The following CTIF variants were observed in gnomAD, a reference collection of about 807,000 sequenced individuals.
The protein encoded by CTIF is cap binding complex dependent translation initiation factor, also known as CBP80/20-dependent translation initiation factor.
In CTIF, 21 loss-of-function variants were observed where a neutral mutation model predicts 66.0. The observed-to-expected ratio is 0.32, with a 90% CI of 0.23 to 0.46. The LOEUF is 0.46. Ranked by LOEUF, CTIF falls within the 20% of genes least tolerant of loss-of-function variation. The probability of loss-of-function intolerance (pLI) is 1.00; values close to 1 mark genes in which losing one functional copy is unlikely to be tolerated. For missense variants in CTIF, 739 were observed against 812.7 expected (o/e 0.91, Z 1.10); for synonymous variants, 345 against 326.4 (o/e 1.06, Z -0.62).
intron 10 of CTIF, among the ~76,000 whole-genome samples, chr18:48,845,303 A>C (rs991987647): frequency 6.6e-5 from 10 of 152,244 alleles, no homozygotes; most frequent in African/African-American, 2.2e-4. Context: ...CCACTGCCCC[A>C]GTAGCAGCAC....
chr18:48,812,864 A>G (rs1218730964), intron 9 of CTIF, among the ~76,000 whole-genome samples: 1 of 151,930 alleles, frequency 6.6e-6, no homozygotes, highest in Non-Finnish European at 1.5e-5. Flanking sequence ...CAAAGAGTCA[A>G]CTCATTTTTA....
chr18:48,751,620 G>T (rs1233619467), intron 7 of CTIF, among the ~76,000 whole-genome samples: 2 of 152,246 alleles, frequency 1.3e-5, no homozygotes, highest in Non-Finnish European at 2.9e-5. Context: ...TGGGTGTGAT[G>T]TAGGGCATTC....
chr18:48,778,457 T>A (rs1910893111), intron 9 of CTIF, among the ~76,000 whole-genome samples: 1 of 152,124 alleles, frequency 6.6e-6, no homozygotes, highest in Non-Finnish European at 1.5e-5. Context: ...TCCCTTTTGG[T>A]AGAAAAGGTC....
At chr18:48,800,843 A>C (rs982571096) in intron 9 of CTIF, among the ~76,000 whole-genome samples, 1 of 152,174 alleles carries the variant, frequency 6.6e-6, no homozygotes, top group Non-Finnish European at 1.5e-5. Context: ...ATATCTTGAC[A>C]CACTAGTGAT....
chr18:48,787,807 C>T (rs1017240374), intron 9 of CTIF, among the ~76,000 whole-genome samples: 3 of 152,214 alleles, frequency 2.0e-5, no homozygotes, highest in African/African-American at 7.2e-5. Flanking sequence ...CCTGCGCCAA[C>T]TCCTGCCCAA....
intron 6 of CTIF, among the ~76,000 whole-genome samples, chr18:48,680,548 A>C (rs1598857144): frequency 6.6e-6 from 1 of 152,240 alleles, no homozygotes. Context: ...CTGTCGACGG[A>C]TGCCCAGAGG....
At chr18:48,577,040 G>A (rs2089548164) in intron 1 of CTIF, among the ~76,000 whole-genome samples, 2 of 152,254 alleles carry the variant, frequency 1.3e-5, no homozygotes, top group Admixed American at 6.5e-5. Context: ...TGGTGTCAGG[G>A]TGTGATACTG....
At chr18:48,601,062 C>T (rs2090081504) in intron 1 of CTIF, among the ~76,000 whole-genome samples, 1 of 152,304 alleles carries the variant, frequency 6.6e-6, no homozygotes, top group African/African-American at 2.4e-5. Context: ...TCCTTTCAGG[C>T]TTTGGTCTGG....
chr18:48,615,531 C>G (rs767701100), intron 1 of CTIF, among the ~76,000 whole-genome samples: 1 of 152,150 alleles, frequency 6.6e-6, no homozygotes, highest in Non-Finnish European at 1.5e-5. Context: ...AGGGGAGGAC[C>G]GACAAGTGAG....
intron 7 of CTIF, among the ~76,000 whole-genome samples, chr18:48,714,586 AC>A (rs2092261859): frequency 6.6e-6 from 1 of 152,202 alleles, no homozygotes; most frequent in Non-Finnish European, 1.5e-5. Flanking sequence ...GGATTTTCAG[AC>A]TGGGACCTAA....
intron 7 of CTIF, among the ~76,000 whole-genome samples, chr18:48,743,399 T>C (rs934122956): frequency 1.3e-5 from 2 of 152,262 alleles, no homozygotes; most frequent in Admixed American, 1.3e-4. Flanking sequence ...TTCATTTTTT[T>C]AGAAAAACAT....
chr18:48,747,495 G>T (rs1324824736), intron 7 of CTIF, among the ~76,000 whole-genome samples: 2 of 152,206 alleles, frequency 1.3e-5, no homozygotes, highest in Admixed American at 6.5e-5. Flanking sequence ...CATGTTCATT[G>T]TCCTAGGGAA....
chr18:48,822,551 C>A (rs555290899), intron 10 of CTIF, among the ~76,000 whole-genome samples: 5 of 123,458 alleles, frequency 4.0e-5, no homozygotes, highest in African/African-American at 1.2e-4. Flanking sequence ...TTGTTTTATC[C>A]ATTTATCTGC....
chr18:48,569,619 G>T (rs77433478), intron 1 of CTIF, among the ~76,000 whole-genome samples: 11 of 152,130 alleles, frequency 7.2e-5, no homozygotes, highest in African/African-American at 1.7e-4. Context: ...AAAGTACTAC[G>T]TTTGCAGAGC....
intron 10 of CTIF, among the ~76,000 whole-genome samples, chr18:48,840,227 T>C (rs548055056): frequency 1.3e-5 from 2 of 152,302 alleles, no homozygotes; most frequent in African/African-American, 2.4e-5. Context: ...GGATGCATCC[T>C]TAGACCTGTG....
chr18:48,661,403 T>TA (rs34030777), intron 3 of CTIF, among the ~76,000 whole-genome samples: 11,064 of 151,844 alleles, frequency 0.073, 454 homozygotes, highest in South Asian at 0.1. Flanking sequence ...GATTTTTTTT[T>TA]ATCTTTGCTT....
At chr18:48,705,142 C>T (rs1487368181) in intron 6 of CTIF, among the ~76,000 whole-genome samples, 1 of 152,214 alleles carries the variant, frequency 6.6e-6, no homozygotes, top group Non-Finnish European at 1.5e-5. Context: ...TGGGTGTCCA[C>T]GGGCACAGCC....
At chr18:48,573,074 C>T (rs1170490962) in intron 1 of CTIF, among the ~76,000 whole-genome samples, 3 of 152,044 alleles carry the variant, frequency 2.0e-5, no homozygotes, top group African/African-American at 4.8e-5. Flanking sequence ...GGAAGTGAGC[C>T]GTCTCGGAGG....
chr18:48,788,860 T>C (rs2067733157), intron 9 of CTIF, among the ~76,000 whole-genome samples: 1 of 152,110 alleles, frequency 6.6e-6, no homozygotes, highest in African/African-American at 2.4e-5. Flanking sequence ...AGGCCAACAG[T>C]GGACACGGAT....
Sources: allele counts gnomAD v4.1 joint callset (sites outside exome capture counted in the v4.1 genomes callset), GRCh38; gene constraint gnomAD v4.1.1; transcripts MANE v1.5; gene names NCBI Gene and HGNC (gene_info 2026-07-23, HGNC 2026-07-21).